The following ITIH1 variants were observed in gnomAD, a reference collection of about 807,000 sequenced individuals.
The protein encoded by ITIH1 is inter-alpha-trypsin inhibitor heavy chain H1.
Under a neutral mutation model 104.6 loss-of-function variants are expected in ITIH1, and 94 were observed. The ratio of observed to expected loss-of-function variants is 0.90; its 90% CI spans 0.76 to 1.07. ITIH1 has a LOEUF of 1.07. Among genes scored for constraint, ITIH1 ranks in the 50% least tolerant of loss-of-function variants. The probability of loss-of-function intolerance (pLI) is 0.00; values close to 1 mark genes in which losing one functional copy is unlikely to be tolerated. For missense variants in ITIH1, 1,193 were observed against 1,181.4 expected, an observed-to-expected ratio of 1.01 and a Z score of -0.14; for synonymous variants, 455 against 464.4, an observed-to-expected ratio of 0.98 and a Z score of 0.26.
intron 16 of ITIH1, 71 bp from the exon 17 acceptor site, chr3:52,787,915 A>G: frequency 7.0e-7 from 1 of 1,426,894 alleles, no homozygotes; most frequent in Non-Finnish European, 9.9e-7. Context: ...GGAAAGAGTC[A>G]TCAGAGGGAT....
At chr3:52,784,886 A>AAG (rs1320507396) in intron 11 of ITIH1, among the ~76,000 whole-genome samples, 158 bp from the exon 12 acceptor site, 2 of 151,050 alleles carry the variant, frequency 1.3e-5, no homozygotes, top group African/African-American at 4.9e-5. Context: ...GAAAAAAAAA[A>AAG]AAAAATCAGC....
In ITIH1 at chr3:52,779,669, C is replaced by G. The variant is rs1267966785; in HGVS notation, c.573+75C>G. The G allele has an allele frequency of 6.7e-7, 1 of 1,503,466 alleles. No homozygotes were observed. Among genetic ancestry groups the G allele is most frequent in the African/African-American group, 1.4e-5 (1 of 72,692 alleles). 93.1% of individuals were successfully genotyped at this position (1,503,466 alleles called of 1,614,324 possible). ...TGGCTCCCAACACTGGTTGAGCACC[C>G]ACCATGTGTCACCACCCAGGCCTGA... On this transcript the variant is annotated intron_variant, in intron 5 of 21. Transcript: ENST00000273283. This position sits in a 1 kb window ranked among gnomAD's most constrained non-coding sequence, Gnocchi z 4.4.
intron 12 of ITIH1, 53 bp downstream of exon 12, chr3:52,785,282 C>T: frequency 6.4e-7 from 1 of 1,552,098 alleles, no homozygotes; most frequent in Non-Finnish European, 8.9e-7. Flanking sequence ...CTAGAGGCTC[C>T]AAACCCACAC....
intron 15 of ITIH1, 58 bp downstream of exon 15, chr3:52,787,260 G>C (rs1326567223): frequency 6.2e-7 from 1 of 1,608,394 alleles, no homozygotes; most frequent in Non-Finnish European, 8.5e-7. Context: ...GCAGGTGGCA[G>C]GTGCTCCAGC....
At position 52,780,393 on chromosome 3, in the gene ITIH1, T is replaced by C. The variant is rs750613632; in HGVS notation, c.687+11T>C. On this transcript the variant is annotated intron_variant, in intron 6 of 21. Transcript: ENST00000273283. ...TTCTCAGGAAAAAAGGTACATGGGA[T>C]AGCAAGGGGGTGGTGGTGGGCCCTT... is the stretch of plus-strand genomic sequence containing the variant. 5.3e-5 allele frequency: 84 copies of C among 1,590,642 alleles called. 1 individual carries two copies. The highest frequency in any genetic ancestry group is 1.8e-4 in the Admixed American group (11 of 59,756).
In ITIH1 at chr3:52,777,744, A is replaced by G. The variant is rs1419319991; in HGVS notation, c.117+12A>G. 3.2e-6 allele frequency: 5 copies of G among 1,565,366 alleles called. No individual in the cohort carries two copies. The highest frequency in any genetic ancestry group is 3.4e-4 in the Middle Eastern group (2 of 5,818). On this transcript the variant is annotated intron_variant, in intron 1 of 21. Transcript: ENST00000273283. Reference sequence around the variant, plus strand: ...CCAAGAGCAGCGAGGTATATGGCTAAGCCCACAGGGCAGAAATAGGCAGCT... The same window carrying G: ...CCAAGAGCAGCGAGGTATATGGCTAGGCCCACAGGGCAGAAATAGGCAGCT...
chr3:52,787,700 C>A, intron 16 of ITIH1, 88 bp downstream of exon 16: 1 of 1,372,180 alleles, frequency 7.3e-7, no homozygotes, highest in Non-Finnish European at 1.0e-6. Context: ...TAGCTGTCTT[C>A]ACTGCTTGTC....
At position 52,777,717 on chromosome 3, in the gene ITIH1, G is replaced by T; in HGVS notation, c.102G>T (p.Arg34Ser). 1 of 1,590,926 alleles carries T rather than the reference G, an allele frequency of 6.3e-7. No individual in the cohort carries two copies. Among genetic ancestry groups the T allele is most frequent in the Non-Finnish European group, 8.6e-7 (1 of 1,169,562 alleles). ...AMPALGSATG[R>S]SKSSEKRQAV... ...CTGCCCTGGGCTCGGCTACAGGCAG[G>T]TCCAAGAGCAGCGAGGTATATGGCT... The change falls in exon 1 of 22, where the codon AGG becomes AGT. Residue 34 changes from arginine to serine, a missense_variant. Coordinates refer to ENST00000273283, the MANE Select transcript of ITIH1 (RefSeq NM_002215.4).
intron 11 of ITIH1, 71 bp from the exon 12 acceptor site, chr3:52,784,973 A>G: frequency 1.3e-6 from 2 of 1,493,128 alleles, no homozygotes; most frequent in East Asian, 4.5e-5. Flanking sequence ...CCAACACTCC[A>G]CTTTGTGGGC....
Position 52,786,368 on chromosome 3 carries a change from A to G in ITIH1, c.1667A>G (p.His556Arg). The G allele has an allele frequency of 6.9e-6, 11 of 1,583,362 alleles. No homozygotes were observed. Among genetic ancestry groups the G allele is most frequent in the Non-Finnish European group, 9.4e-6 (11 of 1,164,266 alleles). The change falls in exon 13 of 22, where the codon CAC becomes CGC. Residue 556 changes from histidine to arginine, a missense_variant. By Grantham distance (29) the His-to-Arg change is conservative. Coordinates refer to ENST00000273283, the MANE Select transcript of ITIH1 (RefSeq NM_002215.4). The part of the protein sequence containing the change: ...EMKKLLRERG[H>R]MLENHVERLW... ...AAGAAACTGCTCCGAGAGCGTGGCC[A>G]CATGCTGGAGAACCACGTCGAGCGC... is the stretch of plus-strand genomic sequence containing the variant.
intron 16 of ITIH1, 76 bp from the exon 17 acceptor site, chr3:52,787,910 G>C (rs1699242520): frequency 7.2e-6 from 10 of 1,390,794 alleles, no homozygotes; most frequent in Non-Finnish European, 1.0e-5. Flanking sequence ...AGTGAGGAAA[G>C]AGTCATCAGA....
At chr3:52,780,215 C>A in intron 5 of ITIH1, 54 bp from the exon 6 acceptor site, 2 of 1,419,670 alleles carry the variant, frequency 1.4e-6, no homozygotes, top group Non-Finnish European at 9.7e-7. Flanking sequence ...GCCTGGGCAA[C>A]AAAGCAAGAT....
intron 11 of ITIH1, 53 bp from the exon 12 acceptor site, chr3:52,784,991 C>G: frequency 2.5e-6 from 4 of 1,571,218 alleles, no homozygotes; most frequent in Non-Finnish European, 3.5e-6. Context: ...GGCAGGCTTC[C>G]CATTAGGAGC....
intron 15 of ITIH1, 60 bp downstream of exon 15, chr3:52,787,262 T>G (rs1578739532): frequency 1.2e-6 from 2 of 1,605,394 alleles, no homozygotes; most frequent in Non-Finnish European, 1.7e-6. Flanking sequence ...AGGTGGCAGG[T>G]GCTCCAGCCC....
chr3:52,781,935 T>C lies in ITIH1; in HGVS notation c.688-5T>C. On this transcript the variant is annotated splice_polypyrimidine_tract_variant and splice_region_variant and intron_variant, in intron 6 of 21. Coordinates refer to ENST00000273283, the MANE Select transcript of ITIH1 (RefSeq NM_002215.4). ...AGTAATGGCTCACACTCTCGACGGT[T>C]CCAGGGTCATGTGCTGTTCCGTCCC... is the stretch of plus-strand genomic sequence containing the variant. The C allele has an allele frequency of 6.2e-7, 1 of 1,614,162 alleles. No homozygotes were observed. The highest frequency in any genetic ancestry group is 8.5e-7 in the Non-Finnish European group (1 of 1,180,016).
At chr3:52,783,879 G>C (rs1699129650) in intron 10 of ITIH1, among the ~76,000 whole-genome samples, 1 of 151,988 alleles carries the variant, frequency 6.6e-6, no homozygotes, top group South Asian at 2.1e-4. Flanking sequence ...TCTAGAAAGA[G>C]GGGAGAGTGG....
intron 1 of ITIH1, 119 bp from the exon 2 acceptor site, chr3:52,777,878 C>A: frequency 7.0e-7 from 1 of 1,431,354 alleles, no homozygotes; most frequent in Non-Finnish European, 9.8e-7. Flanking sequence ...CCAGCACCAC[C>A]AAGGAGGTGA....
chr3:52,779,581 T>A lies in ITIH1; in HGVS notation c.560T>A (p.Val187Glu). Residue 187 changes from valine (V) to glutamate (E), a missense_variant, in exon 5 of 22, where the codon GTG becomes GAG. Coordinates refer to ENST00000273283, the MANE Select transcript of ITIH1 (RefSeq NM_002215.4). The surrounding 1 kb of genome is among the most constrained non-coding windows in gnomAD (Gnocchi z 4.4). ...ATCAAAGTCAAGCCCAAGCAGCTGG[T>A]GCATCATTTTGAGGTAGATCACAGG... Reference protein sequence around the residue: ...IVIKVKPKQLVHHFEIDVDIF... With the variant: ...IVIKVKPKQLEHHFEIDVDIF... The A allele has an allele frequency of 6.2e-7, 1 of 1,614,164 alleles. No individual in the cohort carries two copies. Among genetic ancestry groups the A allele is most frequent in the Non-Finnish European group, 8.5e-7 (1 of 1,180,040 alleles).
In ITIH1 at chr3:52,778,231, C is replaced by A. The variant is rs1698950942; in HGVS notation, c.139-109C>A. The A allele has an allele frequency of 6.6e-6, 8 of 1,214,738 alleles. No individual in the cohort carries two copies. The East Asian group carries it at 1.6e-4, about 25-fold the overall frequency. 75.2% of individuals were successfully genotyped at this position (1,214,738 alleles called of 1,614,324 possible). On this transcript the variant is annotated intron_variant, in intron 2 of 21. Transcript: ENST00000273283. ...GTCTTCCTGCGGTCTGTTCTTCCTG[C>A]ATCTGGGCACCATGCACTGGGGCTA...
Sources: gnomAD v4.1 joint callset for allele counts (sites outside exome capture counted in the v4.1 genomes callset) on GRCh38, gnomAD v4.1.1 for gene constraint, Gnocchi (gnomAD v3.1) non-coding constraint, MANE v1.5 for transcripts, NCBI Gene and HGNC (gene_info 2026-07-23, HGNC 2026-07-21) for gene names.